Variants in TERF1 observed in about 807,000 individuals in gnomAD.
The protein encoded by TERF1 is telomeric repeat-binding factor 1.
A neutral mutation model predicts 55.1 loss-of-function variants in TERF1; 20 were observed. The ratio of observed to expected loss-of-function variants is 0.36; its 90% confidence interval spans 0.26 to 0.53. TERF1 has a LOEUF of 0.53. TERF1 is among the 20% of genes least tolerant of loss of function. TERF1 has a pLI of 0.91. For missense variants in TERF1, 439 were observed against 535.7 expected (o/e 0.82, Z 1.78); for synonymous variants, 168 against 181.2 (o/e 0.93, Z 0.59).
At chr8:73,017,997 C>A (rs887825197) in intron 2 of TERF1, among the ~76,000 whole-genome samples, 1 of 152,164 alleles carries the variant, frequency 6.6e-6, no homozygotes, top group African/African-American at 2.4e-5. Flanking sequence ...GCGTGAGCCA[C>A]CGCGCCTGGC....
At position 73,032,006 on chromosome 8, in the gene TERF1, C is replaced by T. The variant is rs769135751; in HGVS notation, c.948-36C>T. ...TGTTTTCCATTGCCTTACTATCTTT[C>T]TGGAGCCAATTACAAACTTTCCTGT... is the stretch of plus-strand genomic sequence containing the variant. On this transcript the variant is annotated intron_variant, in intron 7 of 9. Transcript: ENST00000276603. The T allele has an allele frequency of 2.4e-5, 35 of 1,448,938 alleles. No individual in the cohort carries two copies. The South Asian group carries it at 3.4e-4, about 14-fold the overall frequency. 89.8% of individuals were successfully genotyped at this position (1,448,938 alleles called of 1,614,324 possible). A position where few individuals can be genotyped will look rare whatever the true frequency, so the allele number is the denominator to read the frequency against.
Position 73,045,955 on chromosome 8 carries a change from C to A in TERF1, c.1144-6C>A. The A allele has an allele frequency of 6.6e-7, 1 of 1,523,948 alleles. No homozygotes were observed. Among genetic ancestry groups the A allele is most frequent in the South Asian group, 1.3e-5 (1 of 76,398 alleles). 94.4% of individuals were successfully genotyped at this position (1,523,948 alleles called of 1,614,324 possible). ...TGTAAATAACTGTTTTACTTTTTATCAAAAGGCATGGCTTTGGGAAGAAGA... is the reference window on the plus strand; with the variant it reads ...TGTAAATAACTGTTTTACTTTTTATAAAAAGGCATGGCTTTGGGAAGAAGA... On this transcript the variant is annotated splice_region_variant and splice_polypyrimidine_tract_variant and intron_variant, in intron 9 of 9. Coordinates refer to ENST00000276603, the MANE Select transcript of TERF1 (RefSeq NM_017489.3).
chr8:73,025,987 G>T (rs2129801994), intron 5 of TERF1, among the ~76,000 whole-genome samples: 1 of 151,564 alleles, frequency 6.6e-6, no homozygotes, highest in South Asian at 2.1e-4. Context: ...TTGATCCCAG[G>T]AGTTTGAGAC....
At chr8:73,044,070 C>T (rs150175181) in intron 9 of TERF1, among the ~76,000 whole-genome samples, 79 of 152,258 alleles carry the variant, frequency 5.2e-4, no homozygotes, top group Admixed American at 1.1e-3. Flanking sequence ...TGCTTTTAAT[C>T]AGTCACCCCA....
chr8:73,033,165 G>A (rs1809366309), intron 8 of TERF1, among the ~76,000 whole-genome samples: 1 of 151,940 alleles, frequency 6.6e-6, no homozygotes, highest in South Asian at 2.1e-4. Flanking sequence ...AAATATTATA[G>A]AATAAATTTG....
rs560403491 is a variant in TERF1 at position 73,046,241 on chromosome 8, A to G, written c.*104A>G. Reference sequence around the variant, plus strand: ...GTAATTTAAAACTTTTGTTTAAAGCATTACAGTATTTTTCTGTGACCATCA... The same window carrying G: ...GTAATTTAAAACTTTTGTTTAAAGCGTTACAGTATTTTTCTGTGACCATCA... On this transcript the variant is annotated 3_prime_UTR_variant, in exon 10 of 10. Coordinates refer to ENST00000276603, the MANE Select transcript of TERF1 (RefSeq NM_017489.3). 4.3e-5 allele frequency: 44 copies of G among 1,022,682 alleles called. No individual in the cohort carries two copies. In the African/African-American group the frequency reaches 6.0e-4, roughly 14 times the overall value. 63.4% of individuals were successfully genotyped at this position (1,022,682 alleles called of 1,614,324 possible).
intron 4 of TERF1, among the ~76,000 whole-genome samples, chr8:73,023,809 C>G (rs907595530): frequency 6.6e-6 from 1 of 152,180 alleles, no homozygotes; most frequent in African/African-American, 2.4e-5. Context: ...CAACAGTTGT[C>G]TCAACAAATT....
chr8:73,020,282 T>TAAATGAG (rs1309290852), intron 2 of TERF1, among the ~76,000 whole-genome samples: 1 of 152,212 alleles, frequency 6.6e-6, no homozygotes, highest in East Asian at 1.9e-4. Flanking sequence ...TCTCATTATA[T>TAAATGAG]ATTCACATAA....
intron 6 of TERF1, 25 bp downstream of exon 6, chr8:73,027,077 A>AT: frequency 5.8e-6 from 9 of 1,546,212 alleles, no homozygotes; most frequent in Non-Finnish European, 7.9e-6. Context: ...CAATTTGTAT[A>AT]TTTTTTGTTT....
chr8:73,039,121 A>G lies in TERF1; in HGVS notation c.1045A>G (p.Lys349Glu). ...CATTATTTTTCTACTTTTAGGTACA[A>G]AAAAGAAAAAAGAAAGCAGAAGAGC... ...ERRVGTPQST[K>E]KKKESRRATE... The change falls in exon 9 of 10, where the codon AAA becomes GAA. Residue 349 changes from lysine (K) to glutamate (E), a missense_variant. Physicochemically the swap from Lys to Glu is moderately conservative, Grantham distance 56. This residue lies in a region of TERF1 where 140 missense variants were observed against 158.6 expected (regional missense o/e 0.88). Transcript: ENST00000276603. 1 of 1,577,084 alleles carries G rather than the reference A, an allele frequency of 6.3e-7. No homozygotes were observed. The highest frequency in any genetic ancestry group is 8.6e-7 in the Non-Finnish European group (1 of 1,165,404).
chr8:73,023,048 G>A (rs1045208724), intron 4 of TERF1, among the ~76,000 whole-genome samples: 2 of 148,224 alleles, frequency 1.3e-5, no homozygotes, highest in East Asian at 3.9e-4. Flanking sequence ...GTAAATAGTT[G>A]TACTGTTTAG....
chr8:73,028,090 C>G (rs1809096887), intron 6 of TERF1, among the ~76,000 whole-genome samples: 1 of 152,150 alleles, frequency 6.6e-6, no homozygotes, highest in South Asian at 2.1e-4. Flanking sequence ...TTTCAAAAAT[C>G]AAAGTTGAAT....
chr8:73,041,522 T>A (rs1201035511), intron 9 of TERF1, among the ~76,000 whole-genome samples: 1 of 152,144 alleles, frequency 6.6e-6, no homozygotes, highest in Non-Finnish European at 1.5e-5. Flanking sequence ...CCACCACCCC[T>A]TGGGTGAGAC....
Position 73,034,921 on chromosome 8 carries a change from C to T in TERF1, c.1039+2788C>T, listed in dbSNP as rs375615397. Among the ~76,000 whole-genome samples the T allele has an allele frequency of 3.4e-3, 522 of 152,060 alleles. 1 individual carries two copies. The highest frequency in any genetic ancestry group is 0.012 in the African/African-American group (500 of 41,480). ...AGACAGTCTGACTCCAGAGCCCAGG[C>T]TTTTAATTGCTTAGATGGACTACCT... On this transcript the variant is annotated intron_variant, in intron 8 of 9. Transcript: ENST00000276603.
intron 7 of TERF1, chr8:73,031,569 A>G (rs1809287598): frequency 6.6e-6 from 1 of 152,276 alleles, no homozygotes; most frequent in Non-Finnish European, 1.5e-5. Context: ...ATGATGCCAC[A>G]TCCTGTGTTT....
intron 2 of TERF1, among the ~76,000 whole-genome samples, chr8:73,019,369 C>T (rs1808652461): frequency 6.6e-6 from 1 of 152,130 alleles, no homozygotes; most frequent in African/African-American, 2.4e-5. Context: ...ATGTTAGCAC[C>T]ATTTATCCAA....
chr8:73,037,886 GAT>G (rs1809662519), intron 8 of TERF1, among the ~76,000 whole-genome samples: 1 of 106,666 alleles, frequency 9.4e-6, no homozygotes, highest in African/African-American at 3.8e-5. Context: ...ATATAAATAT[GAT>G]ATATAATATA....
intron 2 of TERF1, among the ~76,000 whole-genome samples, chr8:73,020,159 G>A (rs1004583184): frequency 3.3e-5 from 5 of 152,298 alleles, no homozygotes; most frequent in Non-Finnish European, 2.9e-5. Context: ...TTGAATGTCC[G>A]AATGGGTTGT....
At chr8:73,022,924 G>C (rs2975854) in intron 4 of TERF1, among the ~76,000 whole-genome samples, 90,437 of 151,958 alleles carry the variant, frequency 0.6, 27,906 homozygotes, top group Middle Eastern at 0.76. Context: ...AGAGAGAGAC[G>C]CTGTCTCTAA....
Sources: gnomAD v4.1 joint callset for allele counts (sites outside exome capture counted in the v4.1 genomes callset) on GRCh38, gnomAD v4.1.1 for gene constraint, gnomAD v4.1.1 regional missense constraint, MANE v1.5 for transcripts, NCBI Gene and HGNC (gene_info 2026-07-23, HGNC 2026-07-21) for gene names.